Variants in PKNOX2 observed in about 807,000 individuals in gnomAD.
PKNOX2 encodes the protein PBX/knotted 1 homeobox 2.
PKNOX2 carries 14 observed loss-of-function variants against 53.1 expected under a neutral mutation model. The observed-to-expected ratio is 0.26, with a 90% CI of 0.17 to 0.41. The LOEUF (loss-of-function observed/expected upper bound fraction) is 0.41. PKNOX2 is among the 10% of genes least tolerant of loss of function. PKNOX2 has a pLI of 1.00. For synonymous variants in PKNOX2, 257 were observed against 242.8 expected (o/e 1.06, Z -0.54); for missense variants, 496 against 602.8 (o/e 0.82, Z 1.85).
intron 1 of PKNOX2, among the ~76,000 whole-genome samples, chr11:125,171,617 C>T (rs1955326564): frequency 6.6e-6 from 1 of 152,240 alleles, no homozygotes; most frequent in Admixed American, 6.5e-5. Flanking sequence ...TCATGGTTGA[C>T]TCTCCTCTGT....
chr11:125,303,652 T>C (rs1948233827), intron 2 of PKNOX2, among the ~76,000 whole-genome samples: 1 of 152,166 alleles, frequency 6.6e-6, no homozygotes, highest in Non-Finnish European at 1.5e-5. Flanking sequence ...CCTTCAACAT[T>C]TCTCTTTCCA....
At chr11:125,215,906 G>A (rs530208313) in intron 1 of PKNOX2, among the ~76,000 whole-genome samples, 2 of 152,164 alleles carry the variant, frequency 1.3e-5, no homozygotes, top group African/African-American at 4.8e-5. Context: ...CACTTACAGC[G>A]CTCAGTCATT....
At chr11:125,229,091 G>A (rs752334649) in intron 1 of PKNOX2, among the ~76,000 whole-genome samples, 8 of 152,166 alleles carry the variant, frequency 5.3e-5, no homozygotes, top group Non-Finnish European at 8.8e-5. Context: ...CACTTGGTGG[G>A]TCCATGTGGG....
chr11:125,335,997 T>C (rs1591532481), intron 3 of PKNOX2, among the ~76,000 whole-genome samples: 1 of 152,264 alleles, frequency 6.6e-6, no homozygotes, highest in East Asian at 1.9e-4. Flanking sequence ...TTAAATGTTA[T>C]GTTTTAAATA....
intron 2 of PKNOX2, among the ~76,000 whole-genome samples, chr11:125,305,829 T>A (rs33997127): frequency 0.02 from 3,031 of 152,200 alleles, 50 homozygotes; most frequent in Non-Finnish European, 0.029. Context: ...AAATCCAGCC[T>A]CCTGAAAGAA....
At chr11:125,331,361 CA>C (rs1950133773) in intron 2 of PKNOX2, among the ~76,000 whole-genome samples, 1 of 151,244 alleles carries the variant, frequency 6.6e-6, no homozygotes, top group African/African-American at 2.4e-5. Flanking sequence ...AGTGTCTCTC[CA>C]GACCCCAGTC....
At chr11:125,342,592 C>G (rs1950751907) in intron 3 of PKNOX2, among the ~76,000 whole-genome samples, 1 of 152,206 alleles carries the variant, frequency 6.6e-6, no homozygotes. Context: ...TTGTGGGTCT[C>G]AGGGGCCCGG....
chr11:125,404,074 C>T (rs1004025829), intron 7 of PKNOX2, among the ~76,000 whole-genome samples: 3 of 152,078 alleles, frequency 2.0e-5, no homozygotes, highest in Non-Finnish European at 4.4e-5. Context: ...AGTGGCTAAG[C>T]ATCCTGAGGA....
intron 1 of PKNOX2, among the ~76,000 whole-genome samples, chr11:125,207,294 T>G (rs1939248756): frequency 6.6e-6 from 1 of 151,964 alleles, no homozygotes. Flanking sequence ...CATCTTGAGT[T>G]CCAACATCTA....
At chr11:125,228,393 A>G (rs183220855) in intron 1 of PKNOX2, among the ~76,000 whole-genome samples, 1 of 152,352 alleles carries the variant, frequency 6.6e-6, no homozygotes, top group Non-Finnish European at 1.5e-5. Flanking sequence ...AGTCCATAGA[A>G]GGAGCTCAGC....
rs919653346 is a variant in PKNOX2, at chr11:125,433,199, C to A, written c.*1807C>A. Reference sequence around the variant, plus strand: ...TTGTTAACACGCGCACACAGACACACACACACACCGTTCCACTCACCACCT... The same window carrying A: ...TTGTTAACACGCGCACACAGACACAAACACACACCGTTCCACTCACCACCT... On this transcript the variant is annotated 3_prime_UTR_variant, in exon 13 of 13. Coordinates refer to ENST00000298282, the MANE Select transcript of PKNOX2 (RefSeq NM_001382323.2). The A allele has an allele frequency of 7.2e-5, 11 of 152,712 alleles. No homozygotes were observed. Among genetic ancestry groups the A allele is most frequent in the African/African-American group, 2.7e-4 (11 of 41,408 alleles). The allele number at this position is 152,712 out of a possible 1,614,324, so 9.5% of individuals were successfully genotyped here. A position where few individuals can be genotyped will look rare whatever the true frequency, so the allele number is the denominator to read the frequency against.
chr11:125,309,890 G>A (rs917940257), intron 2 of PKNOX2, among the ~76,000 whole-genome samples: 3 of 152,152 alleles, frequency 2.0e-5, no homozygotes, highest in Non-Finnish European at 4.4e-5. Flanking sequence ...TATAAAGCTG[G>A]TTACTTCAGC....
At chr11:125,411,386 C>T (rs781641229) in intron 9 of PKNOX2, 14 of 388,920 alleles carry the variant, frequency 3.6e-5, no homozygotes, top group Non-Finnish European at 6.4e-5. Context: ...CACAGAAATG[C>T]TGATAACTAC....
chr11:125,375,693 C>T (rs529748153), intron 5 of PKNOX2, among the ~76,000 whole-genome samples: 1 of 152,248 alleles, frequency 6.6e-6, no homozygotes, highest in African/African-American at 2.4e-5. Flanking sequence ...GTGACCAAGA[C>T]AACGTGGTTA....
intron 2 of PKNOX2, among the ~76,000 whole-genome samples, chr11:125,315,754 T>G (rs1417342036): frequency 6.6e-6 from 1 of 152,160 alleles, no homozygotes; most frequent in African/African-American, 2.4e-5. Context: ...CCTTAGTGTT[T>G]GGCTCAAGTG....
At chr11:125,207,487 A>G (rs1273062602) in intron 1 of PKNOX2, among the ~76,000 whole-genome samples, 1 of 152,074 alleles carries the variant, frequency 6.6e-6, no homozygotes, top group Non-Finnish European at 1.5e-5. Context: ...TGTTTAAAAC[A>G]TGATGCGAGA....
chr11:125,261,376 G>A (rs906767239), intron 2 of PKNOX2, among the ~76,000 whole-genome samples: 1 of 152,204 alleles, frequency 6.6e-6, no homozygotes, highest in Non-Finnish European at 1.5e-5. Flanking sequence ...ATTGCCAAGC[G>A]AGTGCCTGCA....
intron 2 of PKNOX2, among the ~76,000 whole-genome samples, chr11:125,249,411 A>G (rs557158715): frequency 6.6e-6 from 1 of 152,312 alleles, no homozygotes; most frequent in Non-Finnish European, 1.5e-5. Flanking sequence ...ACATCCACGA[A>G]TTCAATCAAC....
intron 3 of PKNOX2, among the ~76,000 whole-genome samples, chr11:125,348,143 C>A (rs1236483862): frequency 1.3e-5 from 2 of 152,232 alleles, no homozygotes; most frequent in Non-Finnish European, 2.9e-5. Flanking sequence ...CCCCCACACC[C>A]CACTGCAAAG....
Sources: gnomAD v4.1 joint callset for allele counts (sites outside exome capture counted in the v4.1 genomes callset) on GRCh38, gnomAD v4.1.1 for gene constraint, MANE v1.5 for transcripts, NCBI Gene and HGNC (gene_info 2026-07-23, HGNC 2026-07-21) for gene names.